Variants in HIBADH observed in about 807,000 individuals in gnomAD.
HIBADH encodes the protein 3-hydroxyisobutyrate dehydrogenase, mitochondrial.
Under a neutral mutation model 36.1 loss-of-function variants are expected in HIBADH, and 25 were observed. The ratio of observed to expected loss-of-function variants is 0.69; its 90% CI spans 0.50 to 0.97. The LOEUF is 0.97. Ranked by LOEUF, HIBADH falls within the 50% of genes least tolerant of loss-of-function variation. The pLI, the probability that HIBADH is intolerant of heterozygous loss-of-function variation, is 0.00. For synonymous variants in HIBADH, 160 were observed against 149.5 expected (o/e 1.07, Z -0.51); for missense variants, 421 against 418.0 (o/e 1.01, Z -0.06).
chr7:27,609,028 G>GTC (rs1785280681), intron 4 of HIBADH, among the ~76,000 whole-genome samples: 1 of 152,166 alleles, frequency 6.6e-6, no homozygotes, highest in South Asian at 2.1e-4. Context: ...TGGCCTTCAG[G>GTC]TCTGGAGATA....
rs202214143 is a variant in HIBADH at position 27,567,074 on chromosome 7, ATTG to A, written c.485-23977_485-23975del. On this transcript the variant is annotated intron_variant, in intron 4 of 7. Coordinates refer to ENST00000265395, the MANE Select transcript of HIBADH (RefSeq NM_152740.4). ...TGACGATGTTGCTCAATTCTTTTAT[ATTG>A]TTGTTGATTTTTCTGTCTACTTGTC... 2.7e-3 allele frequency among the ~76,000 whole-genome samples: 408 copies of A among 152,180 alleles called. 3 individuals carry two copies. Among genetic ancestry groups the A allele is most frequent in the East Asian group, 0.026 (135 of 5,180 alleles).
chr7:27,567,696 AC>A (rs67112219), intron 4 of HIBADH, among the ~76,000 whole-genome samples: 114,968 of 151,772 alleles, frequency 0.76, 43,953 homozygotes, highest in East Asian at 0.94. Context: ...CAATATACAT[AC>A]TAAAGTTTTC....
chr7:27,628,060 T>C (rs560999293), intron 4 of HIBADH, among the ~76,000 whole-genome samples: 20 of 152,104 alleles, frequency 1.3e-4, no homozygotes, highest in Non-Finnish European at 2.2e-4. Context: ...GCAGAACCAC[T>C]CTAAGAAAGA....
At chr7:27,574,606 C>T (rs1393603566) in intron 4 of HIBADH, among the ~76,000 whole-genome samples, 1 of 152,012 alleles carries the variant, frequency 6.6e-6, no homozygotes, top group African/African-American at 2.4e-5. Context: ...ATTATTGCTG[C>T]TCTAATAGAG....
chr7:27,549,803 G>A (rs1485123702), intron 4 of HIBADH, among the ~76,000 whole-genome samples: 2 of 152,150 alleles, frequency 1.3e-5, no homozygotes, highest in African/African-American at 2.4e-5. Context: ...TCTTTGGGCA[G>A]TTTTATTTGA....
At chr7:27,582,573 T>G (rs1457708841) in intron 4 of HIBADH, among the ~76,000 whole-genome samples, 1 of 152,072 alleles carries the variant, frequency 6.6e-6, no homozygotes, top group Non-Finnish European at 1.5e-5. Flanking sequence ...TACTAAATAA[T>G]TATGATATAC....
intron 2 of HIBADH, among the ~76,000 whole-genome samples, chr7:27,633,028 A>G (rs1170862318): frequency 6.6e-6 from 1 of 152,188 alleles, no homozygotes; most frequent in African/African-American, 2.4e-5. Context: ...TACTACAATG[A>G]CTGCAAGTAC....
chr7:27,656,451 A>T (rs927615196), intron 1 of HIBADH, among the ~76,000 whole-genome samples: 1 of 152,170 alleles, frequency 6.6e-6, no homozygotes, highest in Admixed American at 6.5e-5. Context: ...AACACAATGA[A>T]ATGTGCAAAT....
chr7:27,532,946 A>T (rs1784023267), intron 6 of HIBADH, among the ~76,000 whole-genome samples: 1 of 152,232 alleles, frequency 6.6e-6, no homozygotes, highest in Admixed American at 6.5e-5. Context: ...ATTAACAATT[A>T]GTTAATTTGC....
chr7:27,584,441 T>G (rs1784830887), intron 4 of HIBADH, among the ~76,000 whole-genome samples: 1 of 152,116 alleles, frequency 6.6e-6, no homozygotes, highest in South Asian at 2.1e-4. Context: ...TATGGTCAGA[T>G]ACAAGTTTTC....
intron 4 of HIBADH, among the ~76,000 whole-genome samples, chr7:27,583,921 A>G (rs1784825326): frequency 6.6e-6 from 1 of 151,990 alleles, no homozygotes; most frequent in Admixed American, 6.6e-5. Flanking sequence ...CAAGCAACAA[A>G]ATTTAGTGAG....
chr7:27,649,646 C>A lies in HIBADH; in HGVS notation c.92-13G>T. The A allele has an allele frequency of 6.4e-7, 1 of 1,559,106 alleles. No homozygotes were observed. Among genetic ancestry groups the A allele is most frequent in the South Asian group, 1.2e-5 (1 of 81,418 alleles). ...GACCTAGAACACACTGATTTCAATACATTATTTTCAATAGGGGCAAATAAC... is the reference window on the plus strand; with the variant it reads ...GACCTAGAACACACTGATTTCAATAAATTATTTTCAATAGGGGCAAATAAC... On this transcript the variant is annotated splice_polypyrimidine_tract_variant and intron_variant, in intron 1 of 7. Transcript: ENST00000265395.
chr7:27,561,755 A>C (rs1231101189), intron 4 of HIBADH, among the ~76,000 whole-genome samples: 1 of 152,048 alleles, frequency 6.6e-6, no homozygotes, highest in Non-Finnish European at 1.5e-5. Flanking sequence ...TGGTTCTACA[A>C]TTTTTTGCTT....
chr7:27,617,812 A>G (rs887972876), intron 4 of HIBADH, among the ~76,000 whole-genome samples: 2 of 152,022 alleles, frequency 1.3e-5, no homozygotes, highest in African/African-American at 4.8e-5. Context: ...GAAACCCTGC[A>G]AGGGCAGGCA....
At chr7:27,562,224 C>G (rs1324239283) in intron 4 of HIBADH, among the ~76,000 whole-genome samples, 1 of 151,312 alleles carries the variant, frequency 6.6e-6, no homozygotes, top group Non-Finnish European at 1.5e-5. Context: ...AAATAATATA[C>G]TTTATTTTTA....
At chr7:27,635,918 C>CT in intron 2 of HIBADH, among the ~76,000 whole-genome samples, 1 of 152,174 alleles carries the variant, frequency 6.6e-6, no homozygotes, top group East Asian at 1.9e-4. Context: ...ACAATATAGT[C>CT]TTTAAGAATT....
intron 4 of HIBADH, among the ~76,000 whole-genome samples, chr7:27,592,755 C>T (rs1036364069): frequency 1.3e-5 from 2 of 152,196 alleles, no homozygotes; most frequent in African/African-American, 2.4e-5. Flanking sequence ...AAATGTTTTC[C>T]ACACTATAGC....
chr7:27,604,821 G>A (rs1785190995), intron 4 of HIBADH, among the ~76,000 whole-genome samples: 2 of 152,128 alleles, frequency 1.3e-5, no homozygotes, highest in East Asian at 3.9e-4. Context: ...GGAGGGGAGG[G>A]TTTTGCTTTT....
intron 4 of HIBADH, among the ~76,000 whole-genome samples, chr7:27,563,089 A>C (rs774268514): frequency 1.7e-4 from 26 of 151,840 alleles, no homozygotes; most frequent in Admixed American, 1.2e-3. Flanking sequence ...GCCTTCTCCA[A>C]CTCCTGATCC....
Sources: gnomAD v4.1 joint callset for allele counts (sites outside exome capture counted in the v4.1 genomes callset) on GRCh38, gnomAD v4.1.1 for gene constraint, MANE v1.5 for transcripts, NCBI Gene and HGNC (gene_info 2026-07-23, HGNC 2026-07-21) for gene names.